UBXN2A: variants seen among roughly 807,000 people sequenced by gnomAD.
The protein encoded by UBXN2A is UBX domain protein 2A.
A neutral mutation model predicts 28.4 loss-of-function variants in UBXN2A; 28 were observed. That is an observed-to-expected ratio of 0.99 (90% CI 0.73 to 1.35). UBXN2A has a LOEUF of 1.35. Ranked by LOEUF, UBXN2A falls within the 40% of genes most tolerant of loss-of-function variation. The pLI is 0.00. For synonymous variants in UBXN2A, 97 were observed against 103.6 expected, an observed-to-expected ratio of 0.94 and a Z score of 0.39; for missense variants, 253 against 297.9, an observed-to-expected ratio of 0.85 and a Z score of 1.11.
intron 1 of UBXN2A, among the ~76,000 whole-genome samples, chr2:23,955,934 G>A (rs1014171099): frequency 3.3e-5 from 5 of 152,094 alleles, no homozygotes; most frequent in Admixed American, 6.6e-5. Context: ...ACGCAGTCTC[G>A]GCTTACTTCA....
At chr2:23,953,493 C>T (rs1558284820) in intron 1 of UBXN2A, among the ~76,000 whole-genome samples, 2 of 152,198 alleles carry the variant, frequency 1.3e-5, no homozygotes, top group African/African-American at 4.8e-5. Context: ...GCTACAGTCC[C>T]ATCGTCACAC....
At chr2:23,939,625 G>C (rs1220109832), upstream of UBXN2A, 1 of 152,410 alleles carries the variant, frequency 6.6e-6, no homozygotes, top group African/African-American at 2.4e-5. Flanking sequence ...CTTCACTCAA[G>C]TCCTGTCAAG....
intron 6 of UBXN2A, among the ~76,000 whole-genome samples, chr2:23,986,182 C>T (rs1208128149): frequency 1.3e-5 from 2 of 151,694 alleles, no homozygotes; most frequent in Non-Finnish European, 2.9e-5. Flanking sequence ...TGGTGGTGGG[C>T]GCCTGTAGTC....
intron 3 of UBXN2A, among the ~76,000 whole-genome samples, chr2:23,971,942 T>TA (rs1417263549): frequency 6.6e-6 from 1 of 151,790 alleles, no homozygotes; most frequent in Admixed American, 6.6e-5. Context: ...TACAAAAGAA[T>TA]AAAAAAATTA....
At position 23,946,601 on chromosome 2, in the gene UBXN2A, A is replaced by G. The variant is rs530069951; in HGVS notation, c.-15+5953A>G. 2.9e-3 allele frequency among the ~76,000 whole-genome samples: 438 copies of G among 151,812 alleles called. 2 individuals are homozygous for G. The Middle Eastern group carries it at 0.038, about 13-fold the overall frequency. On this transcript the variant is annotated intron_variant, in intron 1 of 6. Transcript: ENST00000309033. ...CTCCTAAAGAGCTGAGATTACGGGC[A>G]TGAGCCACCATGCCTGGCCAATTTT...
At chr2:23,969,815 G>A (rs1283380245) in intron 2 of UBXN2A, among the ~76,000 whole-genome samples, 3 of 152,082 alleles carry the variant, frequency 2.0e-5, no homozygotes, top group African/African-American at 4.8e-5. Context: ...ATGAGACTCT[G>A]TCTCAAAAAT....
chr2:23,939,062 G>A (rs1236831589), upstream of UBXN2A, among the ~76,000 whole-genome samples: 1 of 152,164 alleles, frequency 6.6e-6, no homozygotes, highest in East Asian at 1.9e-4. Context: ...TGTAGGTGAG[G>A]ATCAATCTCA....
chr2:23,928,576 CAA>C (rs879743867), intron 1 of UBXN2A, among the ~76,000 whole-genome samples: 1 of 130,106 alleles, frequency 7.7e-6, no homozygotes. Context: ...GACTCCATCT[CAA>C]AAAAAAAAAA....
chr2:23,994,075 G>A (rs1708447327), intron 6 of UBXN2A, among the ~76,000 whole-genome samples: 1 of 152,024 alleles, frequency 6.6e-6, no homozygotes, highest in Non-Finnish European at 1.5e-5. Flanking sequence ...ATTTTCACTA[G>A]GCTAGAACTG....
At chr2:23,967,640 A>G (rs1707231048) in intron 2 of UBXN2A, among the ~76,000 whole-genome samples, 1 of 152,192 alleles carries the variant, frequency 6.6e-6, no homozygotes, top group African/African-American at 2.4e-5. Flanking sequence ...AAGGCACTTA[A>G]ATACAAACAG....
At chr2:23,946,246 G>A (rs1438279788) in intron 1 of UBXN2A, among the ~76,000 whole-genome samples, 3 of 151,742 alleles carry the variant, frequency 2.0e-5, no homozygotes, top group Non-Finnish European at 4.4e-5. Context: ...CTTTGCTTCC[G>A]GGTTCAAGCG....
chr2:23,998,186 AC>A (rs1448529047), intron 6 of UBXN2A, among the ~76,000 whole-genome samples: 6 of 151,928 alleles, frequency 3.9e-5, no homozygotes, highest in Non-Finnish European at 7.4e-5. Flanking sequence ...TGTCATTTCC[AC>A]TTTCTAGTTT....
At chr2:23,963,291 C>T (rs981907629) in intron 2 of UBXN2A, among the ~76,000 whole-genome samples, 23 of 151,702 alleles carry the variant, frequency 1.5e-4, no homozygotes, top group African/African-American at 5.3e-4. Flanking sequence ...CTGAGGCGGG[C>T]GGATCACGAG....
chr2:23,970,759 G>A lies in UBXN2A; in HGVS notation c.42-517G>A, dbSNP rs143097056. On this transcript the variant is annotated intron_variant, in intron 2 of 6. Coordinates refer to ENST00000309033, the MANE Select transcript of UBXN2A (RefSeq NM_181713.4). ...TAGATGGTCCCATTTGGGGGCAATG[G>A]GAAACAGCGACAGATCATGAGGCAT... 2.2e-4 allele frequency among the ~76,000 whole-genome samples: 34 copies of A among 151,700 alleles called. No homozygotes were observed. The East Asian group carries it at 5.6e-3, about 25-fold the overall frequency.
upstream of UBXN2A, among the ~76,000 whole-genome samples, chr2:23,935,693 A>G (rs929773110): frequency 6.6e-6 from 1 of 152,202 alleles, no homozygotes; most frequent in African/African-American, 2.4e-5. Context: ...GGAAAACAAT[A>G]TGACTGGTCC....
Position 23,982,162 on chromosome 2 carries a change from A to G in UBXN2A, c.288-734A>G, listed in dbSNP as rs1037475632. On this transcript the variant is annotated intron_variant, in intron 4 of 6. Transcript: ENST00000309033. ...AACACAAGGTCAGGAGATCGAGACC[A>G]TCCTGGCTAACACGATGAAACTCCA... 2.7e-5 allele frequency among the ~76,000 whole-genome samples: 4 copies of G among 150,272 alleles called. No homozygotes were observed. The South Asian group carries it at 6.3e-4, about 24-fold the overall frequency.
chr2:23,988,100 G>A lies in UBXN2A; in HGVS notation c.584+3269G>A, dbSNP rs1232581423. On this transcript the variant is annotated intron_variant, in intron 6 of 6. Transcript: ENST00000309033. The stretch of plus-strand genomic sequence containing the variant: ...ATCGTGCCACTGCAGTCCAGCCAGG[G>A]TGACAGAGTGAGGCTCCATCTCAAA... Among the ~76,000 whole-genome samples the A allele has an allele frequency of 2.0e-5, 3 of 149,204 alleles. No individual in the cohort carries two copies. The Admixed American group carries it at 2.0e-4, about 10-fold the overall frequency.
chr2:23,949,691 G>A (rs1300026169), intron 1 of UBXN2A, among the ~76,000 whole-genome samples: 1 of 151,716 alleles, frequency 6.6e-6, no homozygotes, highest in Non-Finnish European at 1.5e-5. Flanking sequence ...CCTGGCCAAT[G>A]TGGTGAAACG....
intron 6 of UBXN2A, among the ~76,000 whole-genome samples, chr2:23,992,357 G>C (rs1482119579): frequency 6.6e-6 from 1 of 152,200 alleles, no homozygotes; most frequent in Non-Finnish European, 1.5e-5. Context: ...TGAGGAAGTG[G>C]ATAGTTTGTG....
Sources: gnomAD v4.1 joint callset for allele counts (sites outside exome capture counted in the v4.1 genomes callset) on GRCh38, gnomAD v4.1.1 for gene constraint, MANE v1.5 for transcripts, NCBI Gene and HGNC (gene_info 2026-07-23, HGNC 2026-07-21) for gene names.